The following PDE1A variants were observed in gnomAD, a reference collection of about 807,000 sequenced individuals.
The protein encoded by PDE1A is phosphodiesterase 1A, also known as dual specificity calcium/calmodulin-dependent 3',5'-cyclic nucleotide phosphodiesterase 1A.
A neutral mutation model predicts 61.7 loss-of-function variants in PDE1A; 35 were observed. That is an observed-to-expected ratio of 0.57 (90% confidence interval 0.43 to 0.75). The LOEUF is 0.75. Ranked by LOEUF, PDE1A falls within the 30% of genes least tolerant of loss-of-function variation. PDE1A has a pLI of 0.00. For synonymous variants in PDE1A, 232 were observed against 213.2 expected (o/e 1.09, Z -0.77); for missense variants, 597 against 630.6 (o/e 0.95, Z 0.57).
chr2:182,470,698 T>C (rs1048241335), intron 2 of PDE1A, among the ~76,000 whole-genome samples: 2 of 151,790 alleles, frequency 1.3e-5, no homozygotes, highest in Non-Finnish European at 2.9e-5. Flanking sequence ...GAAGTCATCC[T>C]GTGAAATGAG....
At chr2:182,589,076 AT>A in the PDE1A span, among the ~76,000 whole-genome samples, 1 of 144,906 alleles carries the variant, frequency 6.9e-6, no homozygotes, top group Non-Finnish European at 1.5e-5. Context: ...AATAATAATA[AT>A]AATAATAATA....
intron 1 of PDE1A, among the ~76,000 whole-genome samples, chr2:182,412,788 G>T (rs373378873): frequency 6.6e-6 from 1 of 152,026 alleles, no homozygotes; most frequent in Admixed American, 6.6e-5. Flanking sequence ...GATATGACAG[G>T]GTCTTAGCCA....
chr2:182,186,061 C>A lies in PDE1A; in HGVS notation c.1347G>T (p.Gly449=), dbSNP rs768778266. The change falls in exon 13 of 14, where the codon GGG becomes GGT. Residue 449 remains glycine (G), a synonymous_variant. Coordinates refer to ENST00000351439, the Ensembl canonical transcript of PDE1A. ...GTCTTAGTGCATCAGCAATGTGTAA[C>A]CCCACAATGGTGGTTGAGCTAACAG... is the stretch of plus-strand genomic sequence containing the variant. 13 of 1,613,766 alleles carry A rather than the reference C, an allele frequency of 8.1e-6. No homozygotes were observed. In the African/African-American group the frequency reaches 1.5e-4, roughly 18 times the overall value.
chr2:182,515,954 CTGTGTGTGTGTG>C (rs201729102), intron 2 of PDE1A, among the ~76,000 whole-genome samples: 2,150 of 130,326 alleles, frequency 0.016, 46 homozygotes, highest in African/African-American at 0.046. Context: ...GTGTGTGTTT[CTGTGTGTGTGTG>C]TGTGTGTGTG....
chr2:182,168,701 T>C (rs1691837888), intron 13 of PDE1A, among the ~76,000 whole-genome samples: 1 of 152,160 alleles, frequency 6.6e-6, no homozygotes, highest in African/African-American at 2.4e-5. Flanking sequence ...AATATTTGGA[T>C]GTAGAATTTT....
At chr2:182,543,553 T>C in the PDE1A span, among the ~76,000 whole-genome samples, 1 of 152,206 alleles carries the variant, frequency 6.6e-6, no homozygotes, top group Non-Finnish European at 1.5e-5. Context: ...AACAGTGTTT[T>C]GGTGGATTTT....
chr2:182,190,633 C>T (rs1685605461), intron 10 of PDE1A, among the ~76,000 whole-genome samples: 1 of 152,118 alleles, frequency 6.6e-6, no homozygotes, highest in Admixed American at 6.6e-5. Context: ...CAGTGCCTGA[C>T]ACTTAGTAGT....
At chr2:182,267,115 T>C (rs1162792243) in intron 1 of PDE1A, among the ~76,000 whole-genome samples, 1 of 152,132 alleles carries the variant, frequency 6.6e-6, no homozygotes, top group Non-Finnish European at 1.5e-5. Flanking sequence ...GTGCATTTCC[T>C]AACTCACAAC....
At chr2:182,242,848 C>T (rs1038476009) in intron 2 of PDE1A, among the ~76,000 whole-genome samples, 4 of 151,202 alleles carry the variant, frequency 2.6e-5, no homozygotes, top group Non-Finnish European at 4.4e-5. Context: ...CCTTAAAATA[C>T]GTATCTCGCT....
At chr2:182,631,640 A>C in the PDE1A span, among the ~76,000 whole-genome samples, 1 of 152,246 alleles carries the variant, frequency 6.6e-6, no homozygotes, top group Admixed American at 6.5e-5. Context: ...GTTGCAAAGC[A>C]CTTTCATATG....
At chr2:182,596,108 G>A in the PDE1A span, among the ~76,000 whole-genome samples, 1 of 152,184 alleles carries the variant, frequency 6.6e-6, no homozygotes, top group Non-Finnish European at 1.5e-5. Context: ...TTTCATAAGG[G>A]AGTATTTGAG....
At chr2:182,226,029 A>G (rs530304858) in intron 6 of PDE1A, among the ~76,000 whole-genome samples, 20 of 149,966 alleles carry the variant, frequency 1.3e-4, no homozygotes, top group Non-Finnish European at 2.5e-4. Context: ...ACACCATGAA[A>G]TGAATAGCAA....
chr2:182,566,654 G>A, the PDE1A span, among the ~76,000 whole-genome samples: 4 of 152,050 alleles, frequency 2.6e-5, no homozygotes, highest in South Asian at 2.1e-4. Flanking sequence ...CTGATAATAC[G>A]TCCTTAAAGT....
intron 2 of PDE1A, among the ~76,000 whole-genome samples, chr2:182,240,696 C>A (rs924226112): frequency 6.6e-6 from 1 of 152,108 alleles, no homozygotes; most frequent in Non-Finnish European, 1.5e-5. Context: ...GGGATTGAAT[C>A]TATAATAGTT....
intron 1 of PDE1A, among the ~76,000 whole-genome samples, chr2:182,387,424 A>G (rs1701176839): frequency 6.6e-6 from 1 of 152,100 alleles, no homozygotes; most frequent in African/African-American, 2.4e-5. Context: ...TAAAAAAAAA[A>G]AAAGAAGAAA....
At chr2:182,158,077 A>G (rs1190057266) in intron 13 of PDE1A, among the ~76,000 whole-genome samples, 2 of 152,168 alleles carry the variant, frequency 1.3e-5, no homozygotes, top group Admixed American at 1.3e-4. Flanking sequence ...ATGGGGGGTT[A>G]TTTGATGGGA....
chr2:182,653,707 G>A, the PDE1A span, among the ~76,000 whole-genome samples: 1 of 152,070 alleles, frequency 6.6e-6, no homozygotes, highest in Non-Finnish European at 1.5e-5. Flanking sequence ...TTGAGGGATG[G>A]GAACATATAA....
At chr2:182,394,740 TA>T (rs1454247095) in intron 1 of PDE1A, among the ~76,000 whole-genome samples, 1 of 152,222 alleles carries the variant, frequency 6.6e-6, no homozygotes, top group Non-Finnish European at 1.5e-5. Flanking sequence ...CCAGAATGCA[TA>T]ATTGGCATAG....
chr2:182,254,735 C>G (rs1375635453), intron 2 of PDE1A, among the ~76,000 whole-genome samples: 3 of 152,172 alleles, frequency 2.0e-5, no homozygotes, highest in African/African-American at 7.2e-5. Flanking sequence ...GGGCTTTCCA[C>G]CACATCCCAC....
Sources: allele counts gnomAD v4.1 joint callset (sites outside exome capture counted in the v4.1 genomes callset), GRCh38; gene constraint gnomAD v4.1.1; transcripts MANE v1.5; gene names NCBI Gene and HGNC (gene_info 2026-07-23, HGNC 2026-07-21).